SPDYA: variants seen among roughly 807,000 people sequenced by gnomAD.
SPDYA encodes speedy/RINGO cell cycle regulator family member A.
Under a neutral mutation model 36.7 loss-of-function variants are expected in SPDYA, and 11 were observed. The ratio of observed to expected loss-of-function variants is 0.30; its 90% CI spans 0.19 to 0.50. The LOEUF (loss-of-function observed/expected upper bound fraction) is 0.50. Among genes scored for constraint, SPDYA ranks in the 20% least tolerant of loss-of-function variants. The pLI, the probability that SPDYA is intolerant of heterozygous loss-of-function variation, is 0.98. For synonymous variants in SPDYA, 115 were observed against 118.7 expected, an observed-to-expected ratio of 0.97 and a Z score of 0.20; for missense variants, 287 against 370.9, an observed-to-expected ratio of 0.77 and a Z score of 1.86.
chr2:28,839,355 G>C (rs1275052100), intron 6 of SPDYA, among the ~76,000 whole-genome samples: 2 of 144,314 alleles, frequency 1.4e-5, no homozygotes. Flanking sequence ...CTCTAAAATA[G>C]ACATTTATTA....
rs148014493 is a variant in SPDYA at position 28,826,363 on chromosome 2, C to T, written c.381-2785C>T. Among the ~76,000 whole-genome samples the T allele has an allele frequency of 5.4e-3, 820 of 152,160 alleles. 6 individuals are homozygous for T. The highest frequency in any genetic ancestry group is 0.019 in the African/African-American group (775 of 41,508). On this transcript the variant is annotated intron_variant, in intron 5 of 7. Transcript: ENST00000334056. ...TATTGGCCAAGCTGGCCTCAAACTC[C>T]TGACCTCAGGTAATCCACCCGCCTA... is the stretch of plus-strand genomic sequence containing the variant.
intron 5 of SPDYA, among the ~76,000 whole-genome samples, chr2:28,822,796 C>T (rs746013880): frequency 1.9e-4 from 29 of 152,134 alleles, no homozygotes; most frequent in Non-Finnish European, 2.9e-4. Flanking sequence ...TTAGTAGAGA[C>T]GGGGTTTCAC....
In SPDYA at chr2:28,822,841, C is replaced by T. The variant is rs566612246; in HGVS notation, c.380+431C>T. Among the ~76,000 whole-genome samples, 58 of 152,208 alleles carry T rather than the reference C, an allele frequency of 3.8e-4. 1 individual carries two copies. The East Asian group carries it at 0.01, about 26-fold the overall frequency. ...CAGGATGGTCTTGATCTCCTGACCT[C>T]GTGATCTGCCCGCCTCGGCCTTCCA... On this transcript the variant is annotated intron_variant, in intron 5 of 7. Coordinates refer to ENST00000334056, the MANE Select transcript of SPDYA (RefSeq NM_182756.4).
intron 6 of SPDYA, among the ~76,000 whole-genome samples, chr2:28,837,417 G>T (rs910090035): frequency 5.3e-5 from 8 of 152,128 alleles, no homozygotes; most frequent in African/African-American, 1.7e-4. Flanking sequence ...AAGGAATTTG[G>T]TATATAGACA....
intron 5 of SPDYA, among the ~76,000 whole-genome samples, chr2:28,826,926 C>G (rs755585952): frequency 3.5e-4 from 50 of 142,780 alleles, no homozygotes; most frequent in South Asian, 3.0e-3. Context: ...CCCATCTTTG[C>G]TATTTTCTTT....
chr2:28,824,492 CA>C (rs61540635), intron 5 of SPDYA, among the ~76,000 whole-genome samples: 61,617 of 107,964 alleles, frequency 0.57, 18,109 homozygotes, highest in East Asian at 0.94. Flanking sequence ...AAAAAAAAAA[CA>C]AAAAAAAAAA....
chr2:28,849,929 A>G lies in SPDYA; in HGVS notation c.930A>G (p.Gly310=). 6.3e-7 allele frequency: 1 copy of G among 1,590,574 alleles called. No individual in the cohort carries two copies. Among genetic ancestry groups the G allele is most frequent in the Non-Finnish European group, 8.5e-7 (1 of 1,172,996 alleles). The change falls in exon 8 of 8, where the codon GGA becomes GGG. Residue 310 remains glycine (G), a synonymous_variant. Transcript: ENST00000334056. Reference sequence around the variant, plus strand: ...ACAAATCTATGGAGTGGTTTACAGGAAGTGAAGAATGAGATGGCCCAACTA... The same window carrying G: ...ACAAATCTATGGAGTGGTTTACAGGGAGTGAAGAATGAGATGGCCCAACTA... ...KKDKSMEWFT[G]SEE
intron 7 of SPDYA, among the ~76,000 whole-genome samples, chr2:28,848,695 A>G (rs1373510361): frequency 6.6e-6 from 1 of 152,228 alleles, no homozygotes; most frequent in Non-Finnish European, 1.5e-5. Context: ...TTCTAGCCTA[A>G]GAGATAAATC....
At position 28,840,275 on chromosome 2, in the gene SPDYA, G is replaced by C; in HGVS notation, c.656G>C (p.Arg219Pro). 1 of 1,613,374 alleles carries C rather than the reference G, an allele frequency of 6.2e-7. No homozygotes were observed. Among genetic ancestry groups the C allele is most frequent in the Non-Finnish European group, 8.5e-7 (1 of 1,179,802 alleles). The change falls in exon 7 of 8, where the codon CGG (arginine) becomes CCG (proline). Residue 219 changes from arginine to proline, a missense_variant. Transcript: ENST00000334056. ...NYNRDEVQLP[R>P]GPSATPVDCS... ...AACAGAGATGAAGTTCAGCTGCCCC[G>C]GGGACCTAGTGCCACACCAGTAGAT... is the stretch of plus-strand genomic sequence containing the variant.
chr2:28,839,646 C>T (rs964609113), intron 6 of SPDYA, among the ~76,000 whole-genome samples: 5 of 152,178 alleles, frequency 3.3e-5, no homozygotes, highest in Non-Finnish European at 5.9e-5. Context: ...GGACTACAGG[C>T]GCCCACAACC....
At chr2:28,819,820 TAAAA>T (rs1174507151) in intron 4 of SPDYA, among the ~76,000 whole-genome samples, 52 of 17,194 alleles carry the variant, frequency 3.0e-3, no homozygotes, top group East Asian at 6.1e-3. Flanking sequence ...CCTGGTCTCT[TAAAA>T]AAAAAAAAAA....
At chr2:28,821,197 C>CTTTTTTTTTT (rs11464702) in intron 4 of SPDYA, among the ~76,000 whole-genome samples, 3 of 98,828 alleles carry the variant, frequency 3.0e-5, no homozygotes, top group African/African-American at 7.9e-5. Flanking sequence ...TTTTCTTTTT[C>CTTTTTTTTTT]TTTTTTTTTT....
chr2:28,839,420 T>C (rs1668692524), intron 6 of SPDYA, among the ~76,000 whole-genome samples: 2 of 152,216 alleles, frequency 1.3e-5, no homozygotes, highest in African/African-American at 4.8e-5. Context: ...ACCTATGTTC[T>C]TATTCACCAT....
At chr2:28,818,096 T>C (rs1263850787) in intron 3 of SPDYA, among the ~76,000 whole-genome samples, 1 of 150,532 alleles carries the variant, frequency 6.6e-6, no homozygotes, top group African/African-American at 2.4e-5. Context: ...ACCCAGGAGG[T>C]TGAGGCTACA....
Position 28,812,900 on chromosome 2 carries a change from A to G in SPDYA, c.-92-1713A>G, listed in dbSNP as rs192768654. ...AAAAATTAAAGGATTTTACCTGATG[A>G]GCACAGTTTCTCCTACTTCTCCTTC... On this transcript the variant is annotated intron_variant, in intron 1 of 7. Transcript: ENST00000334056. 1.3e-4 allele frequency among the ~76,000 whole-genome samples: 20 copies of G among 150,446 alleles called. 1 individual carries two copies. Among genetic ancestry groups the G allele is most frequent in the Admixed American group, 1.3e-3 (19 of 15,090 alleles).
intron 1 of SPDYA, among the ~76,000 whole-genome samples, chr2:28,814,099 A>G (rs771451286): frequency 1.3e-5 from 2 of 152,218 alleles, no homozygotes; most frequent in Non-Finnish European, 2.9e-5. Context: ...TTAGATAAGT[A>G]TATTCCTCTG....
chr2:28,840,061 G>C, intron 6 of SPDYA, 111 bp from the exon 7 acceptor site: 2 of 1,026,508 alleles, frequency 1.9e-6, no homozygotes, highest in South Asian at 3.7e-5. Context: ...CAGCAATTTG[G>C]ATTTTTATCT....
At chr2:28,846,772 C>CACACAT (rs1553317165) in intron 7 of SPDYA, among the ~76,000 whole-genome samples, 2 of 134,872 alleles carry the variant, frequency 1.5e-5, no homozygotes, top group African/African-American at 5.5e-5. Flanking sequence ...CACACACACA[C>CACACAT]AAAGGGAAGT....
In SPDYA at chr2:28,840,093, T is replaced by C. The variant is rs1006687160; in HGVS notation, c.553-79T>C. On this transcript the variant is annotated intron_variant, in intron 6 of 7. Coordinates refer to ENST00000334056, the MANE Select transcript of SPDYA (RefSeq NM_182756.4). ...ATCTTCACTTTAGAGACAGTTGTTC[T>C]TGAGTTATAAGTTTTGAACTCAATT... 6.0e-6 allele frequency: 8 copies of C among 1,324,310 alleles called. No homozygotes were observed. In the African/African-American group the frequency reaches 1.2e-4, roughly 20 times the overall value. 82.0% of individuals were successfully genotyped at this position (1,324,310 alleles called of 1,614,324 possible).
Sources: gnomAD v4.1 joint callset for allele counts (sites outside exome capture counted in the v4.1 genomes callset) on GRCh38, gnomAD v4.1.1 for gene constraint, MANE v1.5 for transcripts, NCBI Gene and HGNC (gene_info 2026-07-23, HGNC 2026-07-21) for gene names.